Variants in DPH6 observed in about 807,000 individuals in gnomAD.
DPH6 encodes diphthamine biosynthesis 6.
Under a neutral mutation model 38.2 loss-of-function variants are expected in DPH6, and 33 were observed. The ratio of observed to expected loss-of-function variants is 0.86; its 90% CI spans 0.65 to 1.15. The LOEUF (loss-of-function observed/expected upper bound fraction) is 1.15, where lower values mean the gene tolerates loss of function less well. Among genes scored for constraint, DPH6 ranks in the 50% most tolerant of loss-of-function variants. DPH6 has a pLI of 0.00. For missense variants in DPH6, 325 were observed against 320.0 expected (o/e 1.02, Z -0.12); for synonymous variants, 108 against 103.0 (o/e 1.05, Z -0.30).
At chr15:35,169,338 G>A in the DPH6 span, among the ~76,000 whole-genome samples, 1 of 152,068 alleles carries the variant, frequency 6.6e-6, no homozygotes, top group African/African-American at 2.4e-5. Context: ...CCACAGGATG[G>A]TGTGTTATAA....
chr15:35,166,853 G>C, the DPH6 span, among the ~76,000 whole-genome samples: 10,769 of 151,904 alleles, frequency 0.071, 570 homozygotes, highest in East Asian at 0.26. Context: ...AAGGGAGGTG[G>C]GGCAAGCTGG....
chr15:35,365,701 C>A, intron 3 of DPH6: 2 of 849,498 alleles, frequency 2.4e-6, no homozygotes, highest in Non-Finnish European at 2.8e-6. Context: ...TGATTCCCAA[C>A]ACAAATGATA....
At chr15:35,437,630 T>C (rs551549648) in intron 5 of DPH6, among the ~76,000 whole-genome samples, 6 of 152,340 alleles carry the variant, frequency 3.9e-5, no homozygotes, top group African/African-American at 1.4e-4. Flanking sequence ...TCTTAAGCTA[T>C]AGCCAAACTG....
intron 3 of DPH6, chr15:35,520,839 C>T (rs949868951): frequency 1.5e-4 from 143 of 984,724 alleles, no homozygotes; most frequent in Non-Finnish European, 1.6e-4. Context: ...AATACAGGTA[C>T]CATAATAAAA....
At chr15:35,511,750 A>G (rs1300674028) in intron 3 of DPH6, among the ~76,000 whole-genome samples, 1 of 152,168 alleles carries the variant, frequency 6.6e-6, no homozygotes, top group Non-Finnish European at 1.5e-5. Context: ...AACTGCATCA[A>G]AAGTACAAAC....
rs553278984 is a variant in DPH6 at position 35,510,788 on chromosome 15, T to C, written c.312+27486A>G. 2.0e-5 allele frequency among the ~76,000 whole-genome samples: 3 copies of C among 152,350 alleles called. No homozygotes were observed. The East Asian group carries it at 5.8e-4, about 29-fold the overall frequency. On this transcript the variant is annotated intron_variant, in intron 3 of 8. Transcript: ENST00000256538. Reference sequence around the variant, plus strand: ...AGCAAACTAAATTAGGGAAGCTATATGTGAGACCATCACAGAAGATCCCAA... The same window carrying C: ...AGCAAACTAAATTAGGGAAGCTATACGTGAGACCATCACAGAAGATCCCAA...
rs1025989042 is a variant in DPH6 at position 35,536,071 on chromosome 15, C to G, written c.312+2203G>C. ...AAATGCTTTCCATACTCCATTAATACTCAAAGGATTAAAAAATGCAGTTCT... is the reference window on the plus strand; with the variant it reads ...AAATGCTTTCCATACTCCATTAATAGTCAAAGGATTAAAAAATGCAGTTCT... On this transcript the variant is annotated intron_variant, in intron 3 of 8. Coordinates refer to ENST00000256538, the MANE Select transcript of DPH6 (RefSeq NM_080650.4). Among the ~76,000 whole-genome samples the G allele has an allele frequency of 2.0e-5, 3 of 151,944 alleles. No homozygotes were observed. The East Asian group carries it at 5.8e-4, about 29-fold the overall frequency.
At chr15:35,545,582 G>A (rs927963510) in intron 1 of DPH6, among the ~76,000 whole-genome samples, 1 of 152,216 alleles carries the variant, frequency 6.6e-6, no homozygotes, top group African/African-American at 2.4e-5. Context: ...AGATGAGGGA[G>A]GGGTGGACTT....
At chr15:35,256,974 A>G (rs1292307637) in intron 3 of DPH6, among the ~76,000 whole-genome samples, 1 of 152,238 alleles carries the variant, frequency 6.6e-6, no homozygotes, top group Non-Finnish European at 1.5e-5. Context: ...GTTGGTAAAC[A>G]TTAGATGCAT....
chr15:35,166,955 A>G, the DPH6 span, among the ~76,000 whole-genome samples: 1 of 152,006 alleles, frequency 6.6e-6, no homozygotes. Context: ...GAAGGCTCTG[A>G]TTAAAGAAGA....
At chr15:35,342,815 A>AT (rs1292087056) in intron 3 of DPH6, among the ~76,000 whole-genome samples, 1 of 152,204 alleles carries the variant, frequency 6.6e-6, no homozygotes, top group Non-Finnish European at 1.5e-5. Context: ...TTTCTTTATA[A>AT]TTTTAAGAGG....
chr15:35,416,699 G>A (rs1182116979), intron 5 of DPH6, among the ~76,000 whole-genome samples: 1 of 151,934 alleles, frequency 6.6e-6, no homozygotes. Flanking sequence ...TACTTTATCT[G>A]AGCACAGTCT....
the DPH6 span, among the ~76,000 whole-genome samples, chr15:35,208,683 T>C: frequency 6.6e-6 from 1 of 152,256 alleles, no homozygotes. Context: ...ATGCCAGTGC[T>C]ACATGATTTT....
rs1595506145 is a variant in DPH6 at position 35,371,551 on chromosome 15, T to C, written c.*599A>G. 1.0e-6 allele frequency: 1 copy of C among 972,796 alleles called. No individual in the cohort carries two copies. The highest frequency in any genetic ancestry group is 1.2e-6 in the Non-Finnish European group (1 of 818,488). 60.3% of individuals were successfully genotyped at this position (972,796 alleles called of 1,614,324 possible). ...TAAAGTCTATTTTTTGTAAAAGTTT[T>C]CTAAGGTCAACATAGTTAATACTGA... On this transcript the variant is annotated 3_prime_UTR_variant, in exon 9 of 9. Coordinates refer to ENST00000256538, the MANE Select transcript of DPH6 (RefSeq NM_080650.4).
rs1057314887 is a variant in DPH6, at chr15:35,258,308, C to T, written n.201-37726G>A. Among the ~76,000 whole-genome samples, 7 of 152,208 alleles carry T rather than the reference C, an allele frequency of 4.6e-5. No homozygotes were observed. In the East Asian group the frequency reaches 1.4e-3, roughly 29 times the overall value. ...AAAGGAGAAGGATGGGACAGTTTCTCTTGGAAGAGAAAAAATGAACATGCA... is the reference window on the plus strand; with the variant it reads ...AAAGGAGAAGGATGGGACAGTTTCTTTTGGAAGAGAAAAAATGAACATGCA... On this transcript the variant is annotated intron_variant and non_coding_transcript_variant, in intron 3 of 3. Transcript: ENST00000560386.
chr15:35,179,075 A>G, the DPH6 span, among the ~76,000 whole-genome samples: 6,433 of 151,882 alleles, frequency 0.042, 194 homozygotes, highest in Non-Finnish European at 0.062. Context: ...GCATGGTGGC[A>G]CATGCCTGTA....
At chr15:35,282,264 T>C (rs1331124602) in intron 3 of DPH6, among the ~76,000 whole-genome samples, 1 of 152,124 alleles carries the variant, frequency 6.6e-6, no homozygotes, top group Non-Finnish European at 1.5e-5. Context: ...CTGGAACTCC[T>C]GGGCCCAAGC....
chr15:35,219,680 G>C (rs1158552335), exon 4 of DPH6: 2 of 152,034 alleles, frequency 1.3e-5, no homozygotes, highest in Non-Finnish European at 2.9e-5. Context: ...TTTTTGGATG[G>C]TAAATAAAAC....
the DPH6 span, among the ~76,000 whole-genome samples, chr15:35,149,621 A>G: frequency 6.6e-6 from 1 of 152,044 alleles, no homozygotes; most frequent in Non-Finnish European, 1.5e-5. Flanking sequence ...GCACTCCTCA[A>G]CCCACAGTCA....
Sources: gnomAD v4.1 joint callset for allele counts (sites outside exome capture counted in the v4.1 genomes callset) on GRCh38, gnomAD v4.1.1 for gene constraint, MANE v1.5 for transcripts, NCBI Gene and HGNC (gene_info 2026-07-23, HGNC 2026-07-21) for gene names.